The following PCDHGA6 variants were observed in gnomAD, a reference collection of about 807,000 sequenced individuals.
PCDHGA6 encodes protocadherin gamma subfamily A, 6, also known as protocadherin gamma-A6.
A neutral mutation model predicts 60.6 loss-of-function variants in PCDHGA6; 41 were observed. That is an observed-to-expected ratio of 0.68 (90% confidence interval 0.53 to 0.88). The LOEUF (loss-of-function observed/expected upper bound fraction) is 0.88, where lower values mean the gene tolerates loss of function less well. Among genes scored for constraint, PCDHGA6 ranks in the 40% least tolerant of loss-of-function variants. The pLI, the probability that PCDHGA6 is intolerant of heterozygous loss-of-function variation, is 0.00. For missense variants in PCDHGA6, 1,312 were observed against 1,203.0 expected, an observed-to-expected ratio of 1.09 and a Z score of -1.34; for synonymous variants, 594 against 524.4, an observed-to-expected ratio of 1.13 and a Z score of -1.81.
chr5:141,407,958 A>G lies in PCDHGA6; in HGVS notation c.2424+31451A>G, dbSNP rs1018466165. On this transcript the variant is annotated intron_variant, in intron 1 of 3. Transcript: ENST00000517434. ...TGGGCGCCGCTGTCGGCCAGTGCAG[A>G]GCAAGCGCTGACGCCGGGGATCCGT... 5 of 660,632 alleles carry G rather than the reference A, an allele frequency of 7.6e-6. No homozygotes were observed. In the South Asian group the frequency reaches 1.2e-4, roughly 15 times the overall value. 40.9% of individuals were successfully genotyped at this position (660,632 alleles called of 1,614,324 possible).
At chr5:141,430,656 G>A in intron 1 of PCDHGA6, 1 of 1,092,670 alleles carries the variant, frequency 9.2e-7, no homozygotes, top group Non-Finnish European at 1.3e-6. Context: ...GGAAACAACG[G>A]AGGAGCTCTG....
At chr5:141,509,953 G>A (rs987910496) in intron 3 of PCDHGA6, among the ~76,000 whole-genome samples, 4 of 152,282 alleles carry the variant, frequency 2.6e-5, no homozygotes, top group Non-Finnish European at 4.4e-5. Context: ...AAATGCTACC[G>A]GGTATGGCCT....
In PCDHGA6 at chr5:141,489,958, C is replaced by T; in HGVS notation, c.2425-4849C>T. 1 of 1,614,202 alleles carries T rather than the reference C, an allele frequency of 6.2e-7. No individual in the cohort carries two copies. The highest frequency in any genetic ancestry group is 8.5e-7 in the Non-Finnish European group (1 of 1,180,016). On this transcript the variant is annotated intron_variant, in intron 1 of 3. Transcript: ENST00000517434. This position sits in a 1 kb window ranked among gnomAD's most constrained non-coding sequence, Gnocchi z 4.5. ...CGTGCTGGACATCAATGATAATGCT[C>T]CAACCTTCCAATCCTCAGTTCTACG... is the stretch of plus-strand genomic sequence containing the variant.
chr5:141,375,418 C>G lies in PCDHGA6; in HGVS notation c.1335C>G (p.Thr445=). The G allele has an allele frequency of 6.2e-7, 1 of 1,613,972 alleles. No homozygotes were observed. Among genetic ancestry groups the G allele is most frequent in the Non-Finnish European group, 8.5e-7 (1 of 1,180,036 alleles). ...TCATCTCTCTAAATGTGGCAGACAC[C>G]AACGACAACCCGCCCACCTTCCCCC... The part of the protein sequence containing the change: ...ETIISLNVAD[T]NDNPPTFPHS... Residue 445 remains threonine (T), a synonymous_variant, in exon 1 of 4, where the codon ACC becomes ACG. Coordinates refer to ENST00000517434, the MANE Select transcript of PCDHGA6 (RefSeq NM_018919.3).
Position 141,421,230 on chromosome 5 carries a change from G to A in PCDHGA6, c.2424+44723G>A, listed in dbSNP as rs530853994. 1.9e-6 allele frequency: 3 copies of A among 1,590,132 alleles called. No individual in the cohort carries two copies. The East Asian group carries it at 6.7e-5, about 36-fold the overall frequency. The stretch of plus-strand genomic sequence containing the variant: ...GGAATATCGGCTTAGAGCCTGCCAT[G>A]GCGAATCGGCTACAGCGCGGGGACC... On this transcript the variant is annotated intron_variant, in intron 1 of 3. Coordinates refer to ENST00000517434, the MANE Select transcript of PCDHGA6 (RefSeq NM_018919.3).
At chr5:141,465,152 G>C (rs1028596804) in intron 1 of PCDHGA6, among the ~76,000 whole-genome samples, 1 of 151,422 alleles carries the variant, frequency 6.6e-6, no homozygotes, top group African/African-American at 2.4e-5. Flanking sequence ...TATATGAAGG[G>C]ACTCTAAATG....
Position 141,375,151 on chromosome 5 carries a change from T to G in PCDHGA6, c.1068T>G (p.Ile356Met). 1.2e-6 allele frequency: 2 copies of G among 1,613,962 alleles called. No individual in the cohort carries two copies. The highest frequency in any genetic ancestry group is 1.7e-6 in the Non-Finnish European group (2 of 1,179,884). The change falls in exon 1 of 4, where the codon ATT becomes ATG. Residue 356 changes from isoleucine to methionine, a missense_variant. Physicochemically the swap from Ile to Met is conservative, Grantham distance 10 (BLOSUM62 1). Transcript: ENST00000517434. ...EVVVTSGSRT[I>M]AESAPPGTVI... ...TTGTTACATCTGGAAGCAGAACAAT[T>G]GCTGAAAGTGCACCTCCAGGAACAG...
At chr5:141,397,756 A>AT (rs1283531463) in intron 1 of PCDHGA6, among the ~76,000 whole-genome samples, 1 of 152,210 alleles carries the variant, frequency 6.6e-6, no homozygotes, top group Admixed American at 6.5e-5. Context: ...AGTTGTTATA[A>AT]TTTTTTATTA....
Position 141,476,752 on chromosome 5 carries a change from A to T in PCDHGA6, c.2425-18055A>T, listed in dbSNP as rs771355583. On this transcript the variant is annotated intron_variant, in intron 1 of 3. Coordinates refer to ENST00000517434, the MANE Select transcript of PCDHGA6 (RefSeq NM_018919.3). This position sits in a 1 kb window ranked among gnomAD's most constrained non-coding sequence, Gnocchi z 7.6. ...GAGAACGGGAGCCTAGTCTCCAGTTAGTGCTGACGGCGTTGGACGGAGGGA... is the reference window on the plus strand; with the variant it reads ...GAGAACGGGAGCCTAGTCTCCAGTTTGTGCTGACGGCGTTGGACGGAGGGA... 1.2e-6 allele frequency: 2 copies of T among 1,613,926 alleles called. No individual in the cohort carries two copies. Among genetic ancestry groups the T allele is most frequent in the South Asian group, 2.2e-5 (2 of 91,080 alleles).
At chr5:141,387,300 T>C (rs1171181488) in intron 1 of PCDHGA6, among the ~76,000 whole-genome samples, 1 of 152,224 alleles carries the variant, frequency 6.6e-6, no homozygotes, top group Non-Finnish European at 1.5e-5. Context: ...ATGTATCCAG[T>C]ATATTTCTAA....
At chr5:141,383,600 A>G (rs1429825116) in intron 1 of PCDHGA6, 2 of 1,613,728 alleles carry the variant, frequency 1.2e-6, no homozygotes, top group South Asian at 2.2e-5. Flanking sequence ...ACAGTGGTGG[A>G]TGTGAATGAC....
At chr5:141,435,994 G>T (rs1007093302) in intron 1 of PCDHGA6, among the ~76,000 whole-genome samples, 18 of 152,046 alleles carry the variant, frequency 1.2e-4, no homozygotes, top group Admixed American at 1.2e-3. Context: ...GTGATTTTTT[G>T]AAAGAAAGTA....
At chr5:141,414,919 G>A (rs2095801962) in intron 1 of PCDHGA6, 2 of 1,614,050 alleles carry the variant, frequency 1.2e-6, no homozygotes, top group African/African-American at 2.7e-5. Context: ...CGTGGAGCTG[G>A]CGCCCCGCTC....
Position 141,410,674 on chromosome 5 carries a change from A to G in PCDHGA6, c.2424+34167A>G. 3.2e-6 allele frequency: 5 copies of G among 1,551,418 alleles called. No homozygotes were observed. In the South Asian group the frequency reaches 3.6e-5, roughly 11 times the overall value. On this transcript the variant is annotated intron_variant, in intron 1 of 3. Coordinates refer to ENST00000517434, the MANE Select transcript of PCDHGA6 (RefSeq NM_018919.3). ...ATCTAATAGTCTACTAGTTTCTCATATTTTAGGCATACTACTTTATTTTCA... is the reference window on the plus strand; with the variant it reads ...ATCTAATAGTCTACTAGTTTCTCATGTTTTAGGCATACTACTTTATTTTCA...
At chr5:141,496,402 G>T (rs551923899) in intron 2 of PCDHGA6, among the ~76,000 whole-genome samples, 183 of 152,248 alleles carry the variant, frequency 1.2e-3, no homozygotes, top group African/African-American at 4.0e-3. Flanking sequence ...CCTCCTCAAT[G>T]GTTGAGTACT....
At chr5:141,384,888 T>C in intron 1 of PCDHGA6, 2 of 1,613,854 alleles carry the variant, frequency 1.2e-6, no homozygotes, top group Non-Finnish European at 1.7e-6. Context: ...TCACCGTGGC[T>C]GTGGCTGACA....
At chr5:141,418,935 A>T (rs1424307952) in intron 1 of PCDHGA6, 2 of 1,613,834 alleles carry the variant, frequency 1.2e-6, no homozygotes, top group Admixed American at 3.3e-5. Context: ...ATTATGGAGG[A>T]TTCCCCTCCA....
rs1486791355 is a variant in PCDHGA6 at position 141,476,804 on chromosome 5, A to G, written c.2425-18003A>G. Reference sequence around the variant, plus strand: ...CCCAGCTCTCTCCGCCAGCCTGCCTATTCACATCAAGGTGCTGGACGCGAA... The same window carrying G: ...CCCAGCTCTCTCCGCCAGCCTGCCTGTTCACATCAAGGTGCTGGACGCGAA... On this transcript the variant is annotated intron_variant, in intron 1 of 3. Coordinates refer to ENST00000517434, the MANE Select transcript of PCDHGA6 (RefSeq NM_018919.3). The surrounding 1 kb of genome is among the most constrained non-coding windows in gnomAD (Gnocchi z 7.6). 5 of 1,613,476 alleles carry G rather than the reference A, an allele frequency of 3.1e-6. No individual in the cohort carries two copies. Among genetic ancestry groups the G allele is most frequent in the South Asian group, 2.2e-5 (2 of 91,080 alleles).
chr5:141,484,697 T>C (rs746981788), intron 1 of PCDHGA6, among the ~76,000 whole-genome samples: 11 of 151,988 alleles, frequency 7.2e-5, no homozygotes, highest in Non-Finnish European at 1.3e-4. Context: ...AGGCTGTGGC[T>C]GTTTTCCCCG....
Sources: gnomAD v4.1 joint callset for allele counts (sites outside exome capture counted in the v4.1 genomes callset) on GRCh38, gnomAD v4.1.1 for gene constraint, Gnocchi (gnomAD v3.1) non-coding constraint, MANE v1.5 for transcripts, NCBI Gene and HGNC (gene_info 2026-07-23, HGNC 2026-07-21) for gene names.